The following WWC2 variants were observed in gnomAD, a reference collection of about 807,000 sequenced individuals.
WWC2 encodes the protein protein WWC2.
In WWC2, 101 loss-of-function variants were observed where a neutral mutation model predicts 138.5. The ratio of observed to expected loss-of-function variants is 0.73; its 90% CI spans 0.62 to 0.86. The LOEUF (loss-of-function observed/expected upper bound fraction) is 0.86. Among genes scored for constraint, WWC2 ranks in the 40% least tolerant of loss-of-function variants. The probability of loss-of-function intolerance (pLI) is 0.00; values close to 1 mark genes in which losing one functional copy is unlikely to be tolerated. For missense variants in WWC2, 1,420 were observed against 1,419.4 expected, an observed-to-expected ratio of 1.00 and a Z score of -0.01; for synonymous variants, 558 against 538.4, an observed-to-expected ratio of 1.04 and a Z score of -0.50.
intron 21 of WWC2, among the ~76,000 whole-genome samples, chr4:183,293,057 G>A (rs983397513): frequency 1.3e-5 from 2 of 152,214 alleles, no homozygotes; most frequent in Non-Finnish European, 2.9e-5. Flanking sequence ...CCGGGTTCAA[G>A]AGATTCTCCT....
chr4:183,298,675 T>G (rs1738720193), intron 21 of WWC2, among the ~76,000 whole-genome samples: 1 of 152,246 alleles, frequency 6.6e-6, no homozygotes, highest in African/African-American at 2.4e-5. Context: ...CATGCACTAA[T>G]AGGATTTTAT....
chr4:183,189,090 A>G (rs1734908361), intron 1 of WWC2, among the ~76,000 whole-genome samples: 2 of 151,846 alleles, frequency 1.3e-5, no homozygotes, highest in South Asian at 2.1e-4. Flanking sequence ...GTTTTCTACT[A>G]TTTTCCTTTG....
Position 183,168,124 on chromosome 4 carries a change from G to A in WWC2, c.132-25475G>A, listed in dbSNP as rs558072777. Among the ~76,000 whole-genome samples the A allele has an allele frequency of 2.0e-5, 3 of 151,288 alleles. No homozygotes were observed. The East Asian group carries it at 5.8e-4, about 29-fold the overall frequency. ...GTCCACCTTGGTCCCAAAGTGCTGG[G>A]ATTACAGGCATGAGCCACCACGCCC... On this transcript the variant is annotated intron_variant, in intron 1 of 22. Coordinates refer to ENST00000403733, the MANE Select transcript of WWC2 (RefSeq NM_024949.6).
intron 1 of WWC2, among the ~76,000 whole-genome samples, chr4:183,116,903 C>G (rs1015891347): frequency 2.0e-5 from 3 of 152,178 alleles, no homozygotes; most frequent in Admixed American, 6.5e-5. Context: ...ATTAGTTGCT[C>G]AAATAAATCC....
intron 1 of WWC2, among the ~76,000 whole-genome samples, chr4:183,163,493 C>G (rs1440921620): frequency 6.6e-6 from 1 of 152,174 alleles, no homozygotes; most frequent in African/African-American, 2.4e-5. Context: ...TTTAGGTAAG[C>G]TGTGAGGTTG....
intron 4 of WWC2, among the ~76,000 whole-genome samples, chr4:183,236,566 C>T (rs532846392): frequency 6.6e-6 from 1 of 152,308 alleles, no homozygotes; most frequent in East Asian, 1.9e-4. Context: ...GTTATTGTTA[C>T]AGGTGTATAC....
intron 1 of WWC2, among the ~76,000 whole-genome samples, chr4:183,182,919 T>C (rs1333117933): frequency 6.6e-6 from 1 of 152,254 alleles, no homozygotes; most frequent in Non-Finnish European, 1.5e-5. Context: ...CATGATGTAG[T>C]TGACGTTTTC....
intron 1 of WWC2, among the ~76,000 whole-genome samples, chr4:183,179,328 CCATGTATTTT>C (rs1734556131): frequency 6.6e-6 from 1 of 151,950 alleles, no homozygotes; most frequent in Non-Finnish European, 1.5e-5. Context: ...GAGGGTATAT[CCATGTATTTT>C]TTAACTAAAA....
At chr4:183,228,366 C>G (rs1170624549) in intron 4 of WWC2, among the ~76,000 whole-genome samples, 1 of 151,962 alleles carries the variant, frequency 6.6e-6, no homozygotes, top group East Asian at 1.9e-4. Context: ...ATAGATCAAG[C>G]AGATTTAAAA....
At chr4:183,157,917 A>G (rs1372232616) in intron 1 of WWC2, among the ~76,000 whole-genome samples, 1 of 151,834 alleles carries the variant, frequency 6.6e-6, no homozygotes, top group Non-Finnish European at 1.5e-5. Flanking sequence ...TTTTCCCCCA[A>G]ACAGTTGCCT....
At chr4:183,276,977 T>A (rs902099024) in intron 16 of WWC2, among the ~76,000 whole-genome samples, 33 of 146,278 alleles carry the variant, frequency 2.3e-4, no homozygotes, top group African/African-American at 8.1e-4. Flanking sequence ...TCTTTTTTAT[T>A]ATTATTATTA....
At chr4:183,118,796 C>CG (rs1732504879) in intron 1 of WWC2, among the ~76,000 whole-genome samples, 3 of 152,090 alleles carry the variant, frequency 2.0e-5, no homozygotes, top group African/African-American at 7.2e-5. Context: ...GGGCTGCAGC[C>CG]AAGTAGCCAA....
At chr4:183,273,608 A>G (rs560260356) in intron 16 of WWC2, among the ~76,000 whole-genome samples, 2 of 152,132 alleles carry the variant, frequency 1.3e-5, no homozygotes, top group East Asian at 1.9e-4. Flanking sequence ...CAGCCTGTTT[A>G]TTTTTTTATT....
In WWC2 at chr4:183,319,210, T is replaced by G. The variant is rs4862156; in HGVS notation, c.*3481T>G. On this transcript the variant is annotated 3_prime_UTR_variant, in exon 23 of 23. Coordinates refer to ENST00000403733, the MANE Select transcript of WWC2 (RefSeq NM_024949.6). The stretch of plus-strand genomic sequence containing the variant: ...ACTAGGTTATCTTAAACACCTGAAA[T>G]AAGTAAATGATTTGCCAAATGATTC... The G allele has an allele frequency of 0.98, 183,878 of 187,320 alleles. 90,348 individuals carry two copies. Among genetic ancestry groups the G allele is most frequent in the East Asian group, 1 (7,352 of 7,352 alleles). The allele number at this position is 187,320 out of a possible 1,614,324, so 11.6% of individuals were successfully genotyped here. A position where few individuals can be genotyped will look rare whatever the true frequency, so the allele number is the denominator to read the frequency against.
intron 1 of WWC2, among the ~76,000 whole-genome samples, chr4:183,124,123 A>G (rs556209138): frequency 1.3e-5 from 2 of 152,338 alleles, no homozygotes; most frequent in African/African-American, 4.8e-5. Context: ...AGATAGCCAT[A>G]TAGATACCCA....
At chr4:183,103,744 T>G (rs756970002) in intron 1 of WWC2, among the ~76,000 whole-genome samples, 1 of 151,386 alleles carries the variant, frequency 6.6e-6, no homozygotes, top group Non-Finnish European at 1.5e-5. Context: ...TTCAAGTGAT[T>G]CTCATGCCTC....
chr4:183,263,191 T>C (rs1284698776), intron 11 of WWC2, among the ~76,000 whole-genome samples: 1 of 152,232 alleles, frequency 6.6e-6, no homozygotes, highest in Non-Finnish European at 1.5e-5. Flanking sequence ...TTTTGACCTT[T>C]CAAGGTAGTT....
chr4:183,149,051 C>T (rs561521271), intron 1 of WWC2, among the ~76,000 whole-genome samples: 3 of 152,090 alleles, frequency 2.0e-5, no homozygotes, highest in South Asian at 4.2e-4. Flanking sequence ...TTTAGAATCT[C>T]ACTCATCTAA....
intron 1 of WWC2, among the ~76,000 whole-genome samples, chr4:183,186,532 AG>A (rs2111195097): frequency 6.6e-6 from 1 of 152,288 alleles, no homozygotes; most frequent in African/African-American, 2.4e-5. Flanking sequence ...GTTTGAGGAA[AG>A]GTTTTTTAGG....
Sources: gnomAD v4.1 joint callset for allele counts (sites outside exome capture counted in the v4.1 genomes callset) on GRCh38, gnomAD v4.1.1 for gene constraint, MANE v1.5 for transcripts, NCBI Gene and HGNC (gene_info 2026-07-23, HGNC 2026-07-21) for gene names.